The following ZNF177 variants were observed in gnomAD, a reference collection of about 807,000 sequenced individuals.
ZNF177 encodes zinc finger protein 177.
ZNF177 carries 17 observed loss-of-function variants against 19.4 expected under a neutral mutation model. The observed-to-expected ratio is 0.87, with a 90% confidence interval of 0.60 to 1.31. The LOEUF (loss-of-function observed/expected upper bound fraction) is 1.31. Among genes scored for constraint, ZNF177 ranks in the 40% most tolerant of loss-of-function variants. ZNF177 has a pLI of 0.00. For synonymous variants in ZNF177, 220 were observed against 188.7 expected (o/e 1.17, Z -1.36); for missense variants, 633 against 561.8 (o/e 1.13, Z -1.28).
At chr19:9,374,489 A>G (rs778711801), upstream of ZNF177, among the ~76,000 whole-genome samples, 13 of 152,130 alleles carry the variant, frequency 8.5e-5, no homozygotes, top group African/African-American at 2.9e-4. Flanking sequence ...ACATTTGACA[A>G]TATTGATTCT....
At chr19:9,363,244 A>G (rs1392502063) in intron 1 of ZNF177, 160 bp downstream of exon 1, 1 of 152,306 alleles carries the variant, frequency 6.6e-6, no homozygotes, top group East Asian at 1.9e-4. Flanking sequence ...TCCTCCCGGC[A>G]CTGCTGGGCT....
chr19:9,371,203 C>T (rs1002916707), intron 2 of ZNF177, among the ~76,000 whole-genome samples: 9 of 152,250 alleles, frequency 5.9e-5, no homozygotes, highest in African/African-American at 1.4e-4. Context: ...CAAAGTCTGA[C>T]GTTCCCTGAT....
chr19:9,378,695 C>G, intron 2 of ZNF177: 1 of 560,660 alleles, frequency 1.8e-6, no homozygotes, highest in Non-Finnish European at 2.9e-6. Context: ...AGAGTCCTCA[C>G]AACCTAACTG....
At chr19:9,374,488 A>C (rs2068085227), upstream of ZNF177, among the ~76,000 whole-genome samples, 1 of 152,134 alleles carries the variant, frequency 6.6e-6, no homozygotes, top group African/African-American at 2.4e-5. Flanking sequence ...GACATTTGAC[A>C]ATATTGATTC....
chr19:9,371,923 A>G (rs754917264), upstream of ZNF177, among the ~76,000 whole-genome samples: 288 of 152,264 alleles, frequency 1.9e-3, 1 homozygote, highest in Non-Finnish European at 2.1e-3. Flanking sequence ...CTTAATCTAT[A>G]TCCATTCAAA....
chr19:9,379,102 C>A lies in ZNF177; in HGVS notation c.160+14C>A. 1 of 1,586,800 alleles carries A rather than the reference C, an allele frequency of 6.3e-7. No individual in the cohort carries two copies. Among genetic ancestry groups the A allele is most frequent in the Non-Finnish European group, 8.6e-7 (1 of 1,165,452 alleles). On this transcript the variant is annotated intron_variant, in intron 3 of 5. Transcript: ENST00000589262. ...TGGCCTCAGTAGGTAAGGCTGGCCT[C>A]ATTTCTTCATTTGTTTATGTAGCAA... is the stretch of plus-strand genomic sequence containing the variant.
At position 9,381,018 on chromosome 19, in the gene ZNF177, G is replaced by A. The variant is rs779816263; in HGVS notation, c.687G>A (p.Glu229=). 22 of 1,589,078 alleles carry A rather than the reference G, an allele frequency of 1.4e-5. No homozygotes were observed. In the African/African-American group the frequency reaches 2.5e-4, roughly 18 times the overall value. ...TACGTGAGCAAATACCTACTGGAGAGAAAGGTGATGAATGCAGTGACTATG... is the reference window on the plus strand; with the variant it reads ...TACGTGAGCAAATACCTACTGGAGAAAAAGGTGATGAATGCAGTGACTATG... Residue 229 remains glutamate (E), a synonymous_variant, in exon 6 of 6, where the codon GAG becomes GAA. Transcript: ENST00000589262.
At chr19:9,380,763 A>T in exon 6 of ZNF177, 1 of 1,536,124 alleles carries the variant, frequency 6.5e-7, no homozygotes, top group Non-Finnish European at 8.7e-7. Context: ...ATTGCAAGGG[A>T]GAGAAATGCT....
chr19:9,365,199 A>G (rs1440406219), intron 2 of ZNF177, among the ~76,000 whole-genome samples: 1 of 152,152 alleles, frequency 6.6e-6, no homozygotes, highest in African/African-American at 2.4e-5. Context: ...TGAGAGGTCT[A>G]AATATGGGGG....
At chr19:9,365,882 T>TA (rs981398516) in intron 2 of ZNF177, among the ~76,000 whole-genome samples, 66 of 152,210 alleles carry the variant, frequency 4.3e-4, no homozygotes, top group African/African-American at 1.5e-3. Flanking sequence ...TAAAATTGGA[T>TA]TGATGTTCCT....
At chr19:9,378,752 G>T in intron 2 of ZNF177, 1 of 742,154 alleles carries the variant, frequency 1.3e-6, no homozygotes, top group Non-Finnish European at 2.0e-6. Flanking sequence ...TTTTGACCAT[G>T]ACCCTGAATG....
At chr19:9,382,513 A>T (rs1017233049), downstream of ZNF177, 10 of 398,144 alleles carry the variant, frequency 2.5e-5, no homozygotes, top group African/African-American at 1.6e-4. Context: ...GAGAAAAATT[A>T]ACTGCCATGT....
In ZNF177 at chr19:9,379,635, A is replaced by G. The variant is rs571207051; in HGVS notation, c.253+16A>G. On this transcript the variant is annotated intron_variant, in intron 4 of 5. Transcript: ENST00000589262. ...GACTGTGCAGGTGAGCCTTGGGCAG[A>G]ACAGGGTGCAGCCTTGGCCAGTGAG... The G allele has an allele frequency of 6.2e-5, 100 of 1,612,550 alleles. 1 individual carries two copies. In the South Asian group the frequency reaches 9.9e-4, roughly 16 times the overall value.
At chr19:9,381,693 T>C (rs1186008192) in exon 6 of ZNF177, 1 of 1,614,176 alleles carries the variant, frequency 6.2e-7, no homozygotes, top group Non-Finnish European at 8.5e-7. Flanking sequence ...CTTATAAATG[T>C]ATTCAGTGTG....
intron 2 of ZNF177, among the ~76,000 whole-genome samples, chr19:9,366,353 C>T (rs1381043858): frequency 6.6e-6 from 1 of 152,082 alleles, no homozygotes; most frequent in Non-Finnish European, 1.5e-5. Flanking sequence ...CCTCGACCTC[C>T]CTAGCTCGGC....
chr19:9,381,964 T>C (rs2039293493), exon 6 of ZNF177: 3 of 858,954 alleles, frequency 3.5e-6, no homozygotes. Flanking sequence ...TATTTCATTC[T>C]TATATGTGTC....
At position 9,381,255 on chromosome 19, in the gene ZNF177, A is replaced by C. The variant is rs781585789; in HGVS notation, c.924A>C (p.Gly308=). 1.9e-6 allele frequency: 3 copies of C among 1,614,116 alleles called. No individual in the cohort carries two copies. The South Asian group carries it at 3.3e-5, about 18-fold the overall frequency. ...AGAAACACATGAGATCTCATACTGG[A>C]GAGAAGCCTTATGAGTGTGATCACT... Residue 308 remains glycine, a synonymous_variant, in exon 6 of 6, where the codon GGA becomes GGC. Transcript: ENST00000589262.
chr19:9,378,895 A>G (rs2068148900), intron 2 of ZNF177, 67 bp from the exon 5 acceptor site: 1 of 1,515,060 alleles, frequency 6.6e-7, no homozygotes, highest in African/African-American at 1.4e-5. Context: ...AGCCTCACCC[A>G]CCATTCTCCT....
intron 1 of ZNF177, among the ~76,000 whole-genome samples, chr19:9,376,942 T>C (rs981508585): frequency 6.6e-6 from 1 of 152,164 alleles, no homozygotes; most frequent in Non-Finnish European, 1.5e-5. Flanking sequence ...CTATTTCCTA[T>C]AAATCAGCTC....
Sources: allele counts gnomAD v4.1 joint callset (sites outside exome capture counted in the v4.1 genomes callset), GRCh38; gene constraint gnomAD v4.1.1; transcripts MANE v1.5; gene names NCBI Gene and HGNC (gene_info 2026-07-23, HGNC 2026-07-21).